The following HMCN2 variants were observed in gnomAD, a reference collection of about 807,000 sequenced individuals.
HMCN2 encodes hemicentin-2.
In HMCN2, 325 loss-of-function variants were observed where a neutral mutation model predicts 377.5. That is an observed-to-expected ratio of 0.86 (90% CI 0.79 to 0.94). The LOEUF (loss-of-function observed/expected upper bound fraction) is 0.94. Among genes scored for constraint, HMCN2 ranks in the 40% least tolerant of loss-of-function variants. HMCN2 has a pLI of 0.00. For missense variants in HMCN2, 4,543 were observed against 4,725.3 expected, an observed-to-expected ratio of 0.96 and a Z score of 1.13; for synonymous variants, 2,007 against 2,046.8, an observed-to-expected ratio of 0.98 and a Z score of 0.53.
chr9:130,332,507 T>TCAATAGTTGA (rs1838478631), intron 22 of HMCN2, among the ~76,000 whole-genome samples: 1 of 152,196 alleles, frequency 6.6e-6, no homozygotes, highest in Non-Finnish European at 1.5e-5. Context: ...CAGGAAGCAC[T>TCAATAGTTGA]CAATAGTTGA....
In HMCN2 at chr9:130,433,968, G is replaced by A; in HGVS notation, c.*275G>A. The A allele has an allele frequency of 2.7e-6, 1 of 376,252 alleles. No individual in the cohort carries two copies. Among genetic ancestry groups the A allele is most frequent in the Non-Finnish European group, 4.7e-6 (1 of 212,068 alleles). 23.3% of individuals were successfully genotyped at this position (376,252 alleles called of 1,614,324 possible). A position where few individuals can be genotyped will look rare whatever the true frequency, so the allele number is the denominator to read the frequency against. On this transcript the variant is annotated 3_prime_UTR_variant, in exon 98 of 98. Transcript: ENST00000683500. ...CGGATCAGACCTCCAGGTCTGATCC[G>A]CCCCTCAGTGGGAGCGGGACAGGGA...
chr9:130,357,274 G>T (rs1033797469), intron 34 of HMCN2, among the ~76,000 whole-genome samples: 1 of 138,596 alleles, frequency 7.2e-6, no homozygotes, highest in Admixed American at 7.2e-5. Context: ...GGATGAATGG[G>T]TGGGTGGGTG....
chr9:130,394,323 A>C lies in HMCN2; in HGVS notation c.10502-62A>C, dbSNP rs1019116420. On this transcript the variant is annotated intron_variant, in intron 68 of 97. Coordinates refer to ENST00000683500, the MANE Select transcript of HMCN2 (RefSeq NM_001291815.2). The surrounding 1 kb of genome is among the most constrained non-coding windows in gnomAD (Gnocchi z 5.1). ...CCCCTGGACTCAGCACAGTGTTTTC[A>C]AGTGCGGTGCTGTCCCGGAAATGTG... 20 of 1,101,352 alleles carry C rather than the reference A, an allele frequency of 1.8e-5. No homozygotes were observed. In the African/African-American group the frequency reaches 3.2e-4, roughly 18 times the overall value. 68.2% of individuals were successfully genotyped at this position (1,101,352 alleles called of 1,614,324 possible).
chr9:130,410,614 T>A lies in HMCN2; in HGVS notation c.12923T>A (p.Met4308Lys). Residue 4308 changes from methionine to lysine, a missense_variant, in exon 85 of 98, where the codon ATG becomes AAG. Around this residue, in one of 5 missense-constraint regions of HMCN2, gnomAD observed 1,155 missense variants for 1,157.7 expected, o/e 1.00. Transcript: ENST00000683500. The stretch of plus-strand genomic sequence containing the variant: ...TACCAGTGCCTGGCAGAGAATGAGA[T>A]GGGCGTGGCGAAGAAAGTGGTGATC... Reference protein sequence around the residue: ...GRYQCLAENEMGVAKKVVILV... With the variant: ...GRYQCLAENEKGVAKKVVILV... 6.4e-7 allele frequency: 1 copy of A among 1,550,610 alleles called. No individual in the cohort carries two copies.
At chr9:130,432,846 C>G in intron 97 of HMCN2, 2 of 491,276 alleles carry the variant, frequency 4.1e-6, no homozygotes, top group Admixed American at 7.0e-5. Context: ...CGGCCACGGA[C>G]ACTCATCAAG....
At chr9:130,270,439 C>T (rs1455307294) in intron 1 of HMCN2, among the ~76,000 whole-genome samples, 7 of 147,818 alleles carry the variant, frequency 4.7e-5, no homozygotes, top group African/African-American at 1.7e-4. Flanking sequence ...CAGTGGCTCA[C>T]ACTTGTAATG....
Position 130,390,960 on chromosome 9 carries a change from A to AC in HMCN2, c.9524-13dup. 3.0e-6 allele frequency: 3 copies of AC among 985,190 alleles called. No homozygotes were observed. Among genetic ancestry groups the AC allele is most frequent in the Non-Finnish European group, 3.6e-6 (3 of 829,796 alleles). The allele number at this position is 985,190 out of a possible 1,614,324, so 61.0% of individuals were successfully genotyped here. A position where few individuals can be genotyped will look rare whatever the true frequency, so the allele number is the denominator to read the frequency against. On this transcript the variant is annotated splice_polypyrimidine_tract_variant and intron_variant, in intron 62 of 97. Coordinates refer to ENST00000683500, the MANE Select transcript of HMCN2 (RefSeq NM_001291815.2). ...AAGAAGGGGCTGGGGGATTCAGGGGACCCCTCTGTCCCACAGAGAGCAGCG... is the reference window on the plus strand; with the variant it reads ...AAGAAGGGGCTGGGGGATTCAGGGGACCCCCTCTGTCCCACAGAGAGCAGCG...
chr9:130,376,864 T>C (rs1471009980), intron 52 of HMCN2, among the ~76,000 whole-genome samples: 1 of 152,172 alleles, frequency 6.6e-6, no homozygotes, highest in East Asian at 1.9e-4. Flanking sequence ...TGGTGCAATC[T>C]TGGCTCACTG....
chr9:130,268,912 A>C (rs1461659974), intron 1 of HMCN2, among the ~76,000 whole-genome samples: 1 of 148,870 alleles, frequency 6.7e-6, no homozygotes, highest in Non-Finnish European at 1.5e-5. Flanking sequence ...ATGGGCTGTG[A>C]ACAGCCACCG....
At chr9:130,330,798 C>T (rs1351546444) in intron 22 of HMCN2, among the ~76,000 whole-genome samples, 1 of 152,056 alleles carries the variant, frequency 6.6e-6, no homozygotes, top group Non-Finnish European at 1.5e-5. Context: ...CCCATTTTCT[C>T]GATTCATTCT....
intron 22 of HMCN2, among the ~76,000 whole-genome samples, chr9:130,332,154 G>A (rs945499482): frequency 1.3e-5 from 2 of 152,214 alleles, no homozygotes; most frequent in Non-Finnish European, 2.9e-5. Context: ...CTGTACCTTG[G>A]TGGATCCTCA....
At chr9:130,315,477 C>T (rs1487046453) in intron 15 of HMCN2, among the ~76,000 whole-genome samples, 2 of 145,130 alleles carry the variant, frequency 1.4e-5, no homozygotes, top group East Asian at 4.1e-4. Context: ...ATCCTTGTAC[C>T]CCAGGGCTGG....
At chr9:130,286,366 C>T in intron 4 of HMCN2, 56 bp downstream of exon 4, 1 of 463,736 alleles carries the variant, frequency 2.2e-6, no homozygotes, top group Non-Finnish European at 4.5e-6. Flanking sequence ...ACGGTGAGGA[C>T]ACTGACCATC....
chr9:130,373,804 G>A (rs368947096), intron 48 of HMCN2, among the ~76,000 whole-genome samples: 3 of 151,664 alleles, frequency 2.0e-5, no homozygotes, highest in African/African-American at 7.3e-5. Context: ...TAGATGGATA[G>A]GTAGGTGGAT....
chr9:130,295,915 T>C (rs1836122344), intron 6 of HMCN2, 143 bp downstream of exon 6: 1 of 368,472 alleles, frequency 2.7e-6, no homozygotes, highest in Non-Finnish European at 5.5e-6. Context: ...TCAATAGAAG[T>C]AACGGGTCAA....
intron 51 of HMCN2, among the ~76,000 whole-genome samples, chr9:130,376,227 T>C (rs1234537919): frequency 1.3e-5 from 2 of 152,150 alleles, no homozygotes; most frequent in African/African-American, 4.8e-5. Flanking sequence ...CTCCTGCCAC[T>C]TCTGCTTTGG....
intron 66 of HMCN2, among the ~76,000 whole-genome samples, chr9:130,392,875 A>G (rs1458535627): frequency 3.9e-5 from 6 of 151,938 alleles, no homozygotes; most frequent in East Asian, 1.9e-4. Context: ...GGGCGCCTGT[A>G]GTCCCAGCTA....
intron 15 of HMCN2, among the ~76,000 whole-genome samples, chr9:130,317,131 G>A: frequency 6.6e-6 from 1 of 152,172 alleles, no homozygotes; most frequent in Non-Finnish European, 1.5e-5. Context: ...CAGGTGCTGA[G>A]GGGGAAGCAG....
intron 76 of HMCN2, chr9:130,400,572 A>G (rs1842815564): frequency 8.3e-6 from 2 of 241,006 alleles, no homozygotes; most frequent in South Asian, 4.4e-5. Context: ...CTCTGAAAAA[A>G]TACACTTTTT....
Sources: allele counts gnomAD v4.1 joint callset (sites outside exome capture counted in the v4.1 genomes callset), GRCh38; gene constraint gnomAD v4.1.1; regional missense constraint gnomAD v4.1.1; non-coding constraint Gnocchi (gnomAD v3.1); transcripts MANE v1.5; gene names NCBI Gene and HGNC (gene_info 2026-07-23, HGNC 2026-07-21).